The following BTK variants were observed in gnomAD, a reference collection of about 807,000 sequenced individuals.
BTK encodes Bruton tyrosine kinase, also known as tyrosine-protein kinase BTK.
In BTK, 5 loss-of-function variants were observed where a neutral mutation model predicts 57.4. The ratio of observed to expected loss-of-function variants is 0.09; its 90% CI spans 0.05 to 0.18. The LOEUF is 0.18. Among genes scored for constraint, BTK ranks in the 10% least tolerant of loss-of-function variants. The pLI is 1.00. For missense variants in BTK, 194 were observed against 501.2 expected, an observed-to-expected ratio of 0.39 and a Z score of 5.85; for synonymous variants, 154 against 174.3, an observed-to-expected ratio of 0.88 and a Z score of 0.92.
At chrX:101,362,313 A>G (rs1555978815) in intron 6 of BTK, 73 bp from the exon 7 acceptor site, 1 of 1,131,993 alleles carries the variant, frequency 8.8e-7, no homozygotes, top group African/African-American at 1.8e-5. Flanking sequence ...TTGGTCAGGG[A>G]CTTTGCCGTC....
At chrX:101,380,242 G>A (rs1555981573) in intron 1 of BTK, among the ~76,000 whole-genome samples, 1 of 110,997 alleles carries the variant, frequency 9.0e-6, no homozygotes, top group African/African-American at 3.3e-5. Context: ...AAGTAGCTGG[G>A]ACTACAGGTG....
At chrX:101,374,099 A>T (rs1555980737) in intron 3 of BTK, among the ~76,000 whole-genome samples, 1 of 111,812 alleles carries the variant, frequency 8.9e-6, no homozygotes, top group Non-Finnish European at 1.9e-5. Context: ...TATATTTTTT[A>T]AAAGTGAACT....
intron 9 of BTK, 101 bp from the exon 10 acceptor site, chrX:101,359,448 A>C: frequency 1.3e-6 from 1 of 798,760 alleles, no homozygotes; most frequent in African/African-American, 2.0e-5. Flanking sequence ...CAGTCAACTC[A>C]CTCAAACCCT....
intron 1 of BTK, among the ~76,000 whole-genome samples, chrX:101,381,170 A>G (rs1309795229): frequency 3.6e-5 from 4 of 110,782 alleles, no homozygotes; most frequent in Non-Finnish European, 7.5e-5. Flanking sequence ...AATATTCTAT[A>G]TGATGAATAC....
chrX:101,367,246 GA>G (rs10632421), intron 5 of BTK, among the ~76,000 whole-genome samples: 44 of 90,924 alleles, frequency 4.8e-4, no homozygotes, highest in Middle Eastern at 5.8e-3. Flanking sequence ...TCCATATCAA[GA>G]AAAAAAAAAA....
chrX:101,384,605 CAAAA>C (rs10586954), intron 1 of BTK, among the ~76,000 whole-genome samples: 2 of 83,835 alleles, frequency 2.4e-5, no homozygotes, highest in Admixed American at 1.4e-4. Context: ...AACTCCGTGT[CAAAA>C]AAAAAAAAAA....
chrX:101,363,872 A>G (rs782654277), intron 5 of BTK, among the ~76,000 whole-genome samples: 164 of 100,304 alleles, frequency 1.6e-3, no homozygotes, highest in African/African-American at 5.8e-3. Flanking sequence ...ATTTACAGCT[A>G]AGAAGAATCC....
intron 5 of BTK, among the ~76,000 whole-genome samples, chrX:101,368,847 G>A (rs1555979877): frequency 8.9e-6 from 1 of 112,200 alleles, no homozygotes; most frequent in African/African-American, 3.2e-5. Flanking sequence ...AACCAAACTT[G>A]CATTCAAGGG....
chrX:101,363,714 A>C (rs113928932), intron 5 of BTK, among the ~76,000 whole-genome samples: 10,581 of 107,430 alleles, frequency 0.098, 438 homozygotes, highest in South Asian at 0.27. Context: ...TCAACAAAAA[A>C]AAAAAAAAAG....
chrX:101,378,741 G>C (rs1187861407), intron 1 of BTK, among the ~76,000 whole-genome samples: 1 of 111,638 alleles, frequency 9.0e-6, no homozygotes, highest in Non-Finnish European at 1.9e-5. Flanking sequence ...ACAGAATTCA[G>C]AAAGACGAAG....
At chrX:101,382,387 C>T (rs1384156178) in intron 1 of BTK, among the ~76,000 whole-genome samples, 1 of 109,034 alleles carries the variant, frequency 9.2e-6, no homozygotes, top group Admixed American at 9.9e-5. Context: ...GGTACAGTAG[C>T]GCAATCTTGG....
At position 101,381,494 on chromosome X, in the gene BTK, G is replaced by A. The variant is rs139079235; in HGVS notation, c.-31+4568C>T. 5.4e-3 allele frequency among the ~76,000 whole-genome samples: 605 copies of A among 111,711 alleles called. 2 individuals carry two copies. Among genetic ancestry groups the A allele is most frequent in the African/African-American group, 0.019 (578 of 30,759 alleles). ...CCCAGTCCCAAGAAGCATCCTTCAC[G>A]TTCTAACTGAGATTTCAATTGAGAA... On this transcript the variant is annotated intron_variant, in intron 1 of 18. Coordinates refer to ENST00000308731, the MANE Select transcript of BTK (RefSeq NM_000061.3).
At chrX:101,388,658 C>T (rs1249425444), upstream of BTK, among the ~76,000 whole-genome samples, 3 of 111,798 alleles carry the variant, frequency 2.7e-5, no homozygotes, top group Admixed American at 9.5e-5. Context: ...AAGGTGATGT[C>T]TCATAATTGG....
rs1483811012 is a variant in BTK, at chrX:101,361,528, A to C, written c.588+645T>G. 3.6e-5 allele frequency among the ~76,000 whole-genome samples: 4 copies of C among 109,813 alleles called. No homozygotes were observed. In the East Asian group the frequency reaches 1.1e-3, roughly 31 times the overall value. ...AGAAGGAACCAAAAAAAAAAAAAAA[A>C]CTTCTGAAGTGTTAGTGATAGGTGG... On this transcript the variant is annotated intron_variant, in intron 7 of 18. Coordinates refer to ENST00000308731, the MANE Select transcript of BTK (RefSeq NM_000061.3).
At chrX:101,356,009 C>T in intron 15 of BTK, 43 bp downstream of exon 15, 1 of 1,160,493 alleles carries the variant, frequency 8.6e-7, no homozygotes, top group Non-Finnish European at 1.2e-6. Context: ...CTACTTCCAC[C>T]CCATCAGCCC....
chrX:101,372,942 G>A (rs1202620411), intron 3 of BTK, among the ~76,000 whole-genome samples: 1 of 107,312 alleles, frequency 9.3e-6, no homozygotes, highest in Non-Finnish European at 1.9e-5. Context: ...AAATTAGCAG[G>A]GTGTGGTGGT....
chrX:101,358,266 TC>T, intron 12 of BTK, 43 bp downstream of exon 12: 1 of 1,209,546 alleles, frequency 8.3e-7, no homozygotes, highest in Non-Finnish European at 1.1e-6. Flanking sequence ...GCATTGCTTA[TC>T]CTGGTGTCTG....
intron 1 of BTK, among the ~76,000 whole-genome samples, chrX:101,382,304 G>A (rs1379240387): frequency 1.1e-5 from 1 of 90,077 alleles, no homozygotes; most frequent in African/African-American, 5.5e-5. Context: ...TTCCACAGCA[G>A]TTCATGTTTT....
At chrX:101,371,526 C>T (rs1181198709) in intron 4 of BTK, 107 bp downstream of exon 4, 3 of 684,669 alleles carry the variant, frequency 4.4e-6, no homozygotes, top group Non-Finnish European at 4.8e-6. Flanking sequence ...TCCACCTCAA[C>T]TTCTATTCAC....
Sources: gnomAD v4.1 joint callset for allele counts (sites outside exome capture counted in the v4.1 genomes callset) on GRCh38, gnomAD v4.1.1 for gene constraint, MANE v1.5 for transcripts, NCBI Gene and HGNC (gene_info 2026-07-23, HGNC 2026-07-21) for gene names.